Variants in NGDN observed in about 807,000 individuals in gnomAD.
The protein encoded by NGDN is neuroguidin, also known as EIF4E-binding protein.
NGDN carries 41 observed loss-of-function variants against 45.2 expected under a neutral mutation model. That is an observed-to-expected ratio of 0.91 (90% CI 0.71 to 1.18). NGDN has a LOEUF of 1.18. Ranked by LOEUF, NGDN falls within the 50% of genes most tolerant of loss-of-function variation. NGDN has a pLI of 0.00. For missense variants in NGDN, 402 were observed against 399.9 expected (o/e 1.01, Z -0.05); for synonymous variants, 137 against 130.9 (o/e 1.05, Z -0.32).
chr14:23,475,340 G>C (rs777926351), intron 4 of NGDN, 32 bp downstream of exon 4: 3 of 1,591,400 alleles, frequency 1.9e-6, no homozygotes, highest in Admixed American at 1.8e-5. Context: ...GGAGTTTTAG[G>C]TTTCTAAATT....
downstream of NGDN, chr14:23,478,803 G>GGAAA (rs1893965295): frequency 2.4e-4 from 1 of 4,092 alleles, no homozygotes; most frequent in Non-Finnish European, 7.5e-4. Flanking sequence ...TAAAGAGCTG[G>GGAAA]CAAAAAAAAA....
chr14:23,476,171 GCCT>G lies in NGDN; in HGVS notation c.544+24_544+26del. The G allele has an allele frequency of 6.2e-7, 1 of 1,614,168 alleles. No homozygotes were observed. Among genetic ancestry groups the G allele is most frequent in the Non-Finnish European group, 8.5e-7 (1 of 1,180,002 alleles). On this transcript the variant is annotated intron_variant, in intron 7 of 10. Coordinates refer to ENST00000408901, the MANE Select transcript of NGDN (RefSeq NM_001042635.2). ...CATTATGGTATAAACTTTGGCTGCT[GCCT>G]CCTCAGCATGAACTGTTTCTCTTTT... is the stretch of plus-strand genomic sequence containing the variant.
At chr14:23,469,878 T>G in intron 1 of NGDN, 151 bp downstream of exon 1, 1 of 1,254,754 alleles carries the variant, frequency 8.0e-7, no homozygotes, top group South Asian at 1.3e-5. Context: ...TCCTGTCCGG[T>G]AACCCAAGGG....
rs1566551434 is a variant in NGDN, at chr14:23,476,043, T to C, written c.435T>C (p.Asp145=). Residue 145 remains aspartate, a synonymous_variant, in exon 7 of 11, where the codon GAT becomes GAC. Coordinates refer to ENST00000408901, the MANE Select transcript of NGDN (RefSeq NM_001042635.2). ...TTCTTTTGTAGTTGAGCTCTGAGGA[T>C]GAGGAGGAAGATGAAGCAGAAGATG... ...SNMMSKLSSE[D]EEEDEAEDDQ... 1 of 1,614,164 alleles carries C rather than the reference T, an allele frequency of 6.2e-7. No individual in the cohort carries two copies.
intron 6 of NGDN, 114 bp downstream of exon 6, chr14:23,475,892 G>T: frequency 6.9e-7 from 1 of 1,451,170 alleles, no homozygotes; most frequent in Non-Finnish European, 9.5e-7. Flanking sequence ...TCCAACTTGT[G>T]TGTTAGAATG....
chr14:23,469,976 C>T, intron 1 of NGDN, 66 bp from the exon 2 acceptor site: 1 of 1,549,082 alleles, frequency 6.5e-7, no homozygotes, highest in Non-Finnish European at 8.9e-7. Flanking sequence ...CCACCCTAGA[C>T]GTTCCACTTT....
chr14:23,473,847 A>G (rs1893838386), intron 3 of NGDN, among the ~76,000 whole-genome samples: 1 of 152,116 alleles, frequency 6.6e-6, no homozygotes, highest in Non-Finnish European at 1.5e-5. Flanking sequence ...TGATTTTCAT[A>G]CTTGTATTTA....
At chr14:23,473,973 G>A (rs1390494899) in intron 3 of NGDN, among the ~76,000 whole-genome samples, 2 of 149,494 alleles carry the variant, frequency 1.3e-5, no homozygotes, top group Admixed American at 6.7e-5. Flanking sequence ...AGGAGGTGGA[G>A]GTTGCAGTGA....
In NGDN at chr14:23,470,924, CA is replaced by C; in HGVS notation, c.93del (p.Val32Ter). 6.4e-7 allele frequency: 1 copy of C among 1,567,438 alleles called. No individual in the cohort carries two copies. Among genetic ancestry groups the C allele is most frequent in the Non-Finnish European group, 8.6e-7 (1 of 1,161,844 alleles). On this transcript the variant is annotated frameshift_variant, in exon 3 of 11. Transcript: ENST00000408901. LOFTEE classifies it high-confidence loss of function. ...LQEQVMAVTA[Q>X]VKSLTQKVQA... ...ATTTCAGGTGATGGCTGTAACTGCA[CA>C]AGTGAAATCACTGACACAAAAAGTT...
intron 2 of NGDN, 34 bp from the exon 3 acceptor site, chr14:23,470,872 A>G (rs1028587): frequency 0.8 from 1,221,398 of 1,519,410 alleles, 494,089 homozygotes; most frequent in Non-Finnish European, 0.83. Context: ...ATTTGATATA[A>G]TCTAATCACT....
At chr14:23,477,836 A>G in intron 10 of NGDN, 171 bp from the exon 11 acceptor site, 1 of 1,485,596 alleles carries the variant, frequency 6.7e-7, no homozygotes, top group East Asian at 2.4e-5. Context: ...AGGAACCATT[A>G]TCCCATTTCA....
chr14:23,476,812 T>C (rs1365469454), intron 8 of NGDN, among the ~76,000 whole-genome samples: 4 of 152,162 alleles, frequency 2.6e-5, no homozygotes, highest in Non-Finnish European at 5.9e-5. Context: ...GGAAGGAAAG[T>C]AGAAAAGCAG....
intron 1 of NGDN, 34 bp from the exon 2 acceptor site, chr14:23,470,008 T>G (rs1228178855): frequency 1.2e-6 from 2 of 1,607,916 alleles, no homozygotes; most frequent in African/African-American, 1.3e-5. Context: ...GAGGAAAGAA[T>G]GACTTTTCTT....
chr14:23,477,751 C>G (rs1893938099), intron 10 of NGDN, 191 bp downstream of exon 10: 2 of 1,457,750 alleles, frequency 1.4e-6, no homozygotes, highest in Non-Finnish European at 1.8e-6. Context: ...CAAAATGAAT[C>G]TCTGGATTCT....
chr14:23,476,675 G>A (rs959933150), intron 8 of NGDN, among the ~76,000 whole-genome samples: 5 of 152,158 alleles, frequency 3.3e-5, no homozygotes, highest in Admixed American at 6.5e-5. Context: ...GTACAAAGAG[G>A]AATGTATGCA....
rs762526854 is a variant in NGDN, at chr14:23,477,468, C to T, written c.871-35C>T. The T allele has an allele frequency of 7.6e-5, 122 of 1,613,262 alleles. No individual in the cohort carries two copies. The Middle Eastern group carries it at 6.2e-3, about 83-fold the overall frequency. On this transcript the variant is annotated intron_variant, in intron 9 of 10. Transcript: ENST00000408901. ...GAAGGGATGCTGGCTCTCAGAACCACAGTGCCATTCCATCACTTCTCCATC... is the reference window on the plus strand; with the variant it reads ...GAAGGGATGCTGGCTCTCAGAACCATAGTGCCATTCCATCACTTCTCCATC...
At chr14:23,476,981 A>G (rs956100829) in intron 8 of NGDN, among the ~76,000 whole-genome samples, 9 of 152,232 alleles carry the variant, frequency 5.9e-5, no homozygotes, top group African/African-American at 2.2e-4. Flanking sequence ...CTATGGATTC[A>G]TATCTAGCAT....
chr14:23,477,108 CAA>C (rs1465113368), intron 8 of NGDN, 90 bp from the exon 9 acceptor site: 2 of 1,219,606 alleles, frequency 1.6e-6, no homozygotes, highest in Non-Finnish European at 1.2e-6. Context: ...ACTCCCTGAA[CAA>C]GAGATGAGTA....
Position 23,475,244 on chromosome 14 carries a change from A to G in NGDN, c.218A>G (p.Asp73Gly). The change falls in exon 4 of 11, where the codon GAC becomes GGC. Residue 73 changes from aspartate to glycine, a missense_variant. Physicochemically the swap from Asp to Gly is moderately conservative, Grantham distance 94. Transcript: ENST00000408901. ...ATGGATTTGACCCACCTCATTCTGG[A>G]CAAAGCCTCAGGAGGATCTCTTCAG... ...YLMDLTHLIL[D>G]KASGGSLQGH... 6.2e-7 allele frequency: 1 copy of G among 1,614,114 alleles called. No individual in the cohort carries two copies. Among genetic ancestry groups the G allele is most frequent in the Non-Finnish European group, 8.5e-7 (1 of 1,179,956 alleles).
Sources: gnomAD v4.1 joint callset for allele counts (sites outside exome capture counted in the v4.1 genomes callset) on GRCh38, gnomAD v4.1.1 for gene constraint, MANE v1.5 for transcripts, NCBI Gene and HGNC (gene_info 2026-07-23, HGNC 2026-07-21) for gene names.